Variants in MLEC observed in about 807,000 individuals in gnomAD.
The protein encoded by MLEC is malectin.
A neutral mutation model predicts 28.7 loss-of-function variants in MLEC; 7 were observed. The observed-to-expected ratio is 0.24, with a 90% CI of 0.14 to 0.46. MLEC has a LOEUF of 0.46. Ranked by LOEUF, MLEC falls within the 20% of genes least tolerant of loss-of-function variation. The probability of loss-of-function intolerance (pLI) is 0.99; values close to 1 mark genes in which losing one functional copy is unlikely to be tolerated. For synonymous variants in MLEC, 142 were observed against 164.4 expected, an observed-to-expected ratio of 0.86 and a Z score of 1.04; for missense variants, 237 against 391.1, an observed-to-expected ratio of 0.61 and a Z score of 3.32.
At chr12:120,691,104 A>G (rs1592915925) in intron 1 of MLEC, among the ~76,000 whole-genome samples, 1 of 152,250 alleles carries the variant, frequency 6.6e-6, no homozygotes, top group Admixed American at 6.5e-5. Flanking sequence ...CATGGAGGAC[A>G]GGCTTCTGCT....
At position 120,696,604 on chromosome 12, in the gene MLEC, G is replaced by A. The variant is rs1882248471; in HGVS notation, c.*59G>A. 1 of 1,580,268 alleles carries A rather than the reference G, an allele frequency of 6.3e-7. No homozygotes were observed. The highest frequency in any genetic ancestry group is 2.2e-5 in the East Asian group (1 of 44,498). On this transcript the variant is annotated 3_prime_UTR_variant, in exon 5 of 5. Coordinates refer to ENST00000228506, the MANE Select transcript of MLEC (RefSeq NM_014730.4). This position sits in a 1 kb window ranked among gnomAD's most constrained non-coding sequence, Gnocchi z 5.4. ...TGTGGGAAAGAAACCAGCCATATTG[G>A]TTTTGGTTTCTGTATTTTTCACAAT...
rs942840570 is a variant in MLEC at position 120,700,552 on chromosome 12, C to G, written c.*4007C>G. On this transcript the variant is annotated 3_prime_UTR_variant, in exon 5 of 5. Coordinates refer to ENST00000228506, the MANE Select transcript of MLEC (RefSeq NM_014730.4). The surrounding 1 kb of genome is among the most constrained non-coding windows in gnomAD (Gnocchi z 4.0). Reference sequence around the variant, plus strand: ...AAGGCAAAGTGATAGTACACGGAAGCAGAACCGGAAACACCCAGGAACTGT... The same window carrying G: ...AAGGCAAAGTGATAGTACACGGAAGGAGAACCGGAAACACCCAGGAACTGT... The G allele has an allele frequency of 1.3e-5, 2 of 152,028 alleles. No homozygotes were observed. The highest frequency in any genetic ancestry group is 4.8e-5 in the African/African-American group (2 of 41,362). The allele number at this position is 152,028 out of a possible 1,614,324, so 9.4% of individuals were successfully genotyped here. A position where few individuals can be genotyped will look rare whatever the true frequency, so the allele number is the denominator to read the frequency against.
At position 120,697,307 on chromosome 12, in the gene MLEC, T is replaced by TTTTG. The variant is rs3884201; in HGVS notation, c.*778_*781dup. 0.041 allele frequency: 6,280 copies of TTTTG among 152,686 alleles called. 180 individuals are homozygous for TTTTG. The highest frequency in any genetic ancestry group is 0.1 in the South Asian group (503 of 4,816). The allele number at this position is 152,686 out of a possible 1,614,324, so 9.5% of individuals were successfully genotyped here. A position where few individuals can be genotyped will look rare whatever the true frequency, so the allele number is the denominator to read the frequency against. ...TGTTGGGGACTTGATTTCTTCTCAG[T>TTTTG]TTTGTTTGTTTGTTTGTTTCCTTAA... On this transcript the variant is annotated 3_prime_UTR_variant, in exon 5 of 5. Transcript: ENST00000228506. The surrounding 1 kb of genome is among the most constrained non-coding windows in gnomAD (Gnocchi z 4.8).
At chr12:120,690,615 G>A (rs1040700065) in intron 1 of MLEC, among the ~76,000 whole-genome samples, 4 of 151,978 alleles carry the variant, frequency 2.6e-5, no homozygotes, top group African/African-American at 9.7e-5. Flanking sequence ...CCTTTTACAT[G>A]GAATTAAAAA....
At chr12:120,688,715 G>A (rs981122766) in intron 1 of MLEC, among the ~76,000 whole-genome samples, 1 of 148,106 alleles carries the variant, frequency 6.8e-6, no homozygotes, top group African/African-American at 2.7e-5. Flanking sequence ...CAGTGTCCTG[G>A]AGTTTGTTAT....
In MLEC at chr12:120,701,817, A is replaced by C. The variant is rs941290819; in HGVS notation, c.*5272A>C. On this transcript the variant is annotated 3_prime_UTR_variant, in exon 5 of 5. Coordinates refer to ENST00000228506, the MANE Select transcript of MLEC (RefSeq NM_014730.4). The surrounding 1 kb of genome is among the most constrained non-coding windows in gnomAD (Gnocchi z 4.0). ...AAAGTACAAAATCAGGATGTTTTTC[A>C]CTGTCCATTGCTTTGTGTTTTAATA... 6.6e-6 allele frequency: 1 copy of C among 152,602 alleles called. No individual in the cohort carries two copies. The highest frequency in any genetic ancestry group is 2.1e-4 in the South Asian group (1 of 4,820). The allele number at this position is 152,602 out of a possible 1,614,324, so 9.5% of individuals were successfully genotyped here.
intron 1 of MLEC, among the ~76,000 whole-genome samples, chr12:120,689,136 C>T (rs900485516): frequency 6.6e-6 from 1 of 152,100 alleles, no homozygotes; most frequent in Non-Finnish European, 1.5e-5. Flanking sequence ...CCGAGTAAGA[C>T]CACACAGGTT....
chr12:120,692,411 C>T (rs1262122275), intron 1 of MLEC, among the ~76,000 whole-genome samples: 1 of 152,060 alleles, frequency 6.6e-6, no homozygotes, highest in Non-Finnish European at 1.5e-5. Context: ...CCTTTGTATG[C>T]ATTGCTCAGC....
chr12:120,688,939 C>G (rs981537808), intron 1 of MLEC, among the ~76,000 whole-genome samples: 1 of 152,194 alleles, frequency 6.6e-6, no homozygotes, highest in Non-Finnish European at 1.5e-5. Flanking sequence ...TATCCTGGAC[C>G]CTTCCTCTTT....
chr12:120,691,498 G>T (rs1882036281), intron 1 of MLEC, among the ~76,000 whole-genome samples: 1 of 152,256 alleles, frequency 6.6e-6, no homozygotes, highest in South Asian at 2.1e-4. Flanking sequence ...AGAAAGAGCA[G>T]ACATAATGTA....
At chr12:120,695,775 A>T (rs1417414783) in intron 4 of MLEC, among the ~76,000 whole-genome samples, 1 of 152,132 alleles carries the variant, frequency 6.6e-6, no homozygotes, top group Admixed American at 6.5e-5. Context: ...TCTTGAATGC[A>T]CTGAGGATTT....
In MLEC at chr12:120,694,749, G is replaced by T. The variant is rs1002226760; in HGVS notation, c.415-75G>T. On this transcript the variant is annotated intron_variant, in intron 2 of 4. Transcript: ENST00000228506. The surrounding 1 kb of genome is among the most constrained non-coding windows in gnomAD (Gnocchi z 4.5). ...ATTTTTGAACTTCAAGCCCAAACAC[G>T]TGCATGATGTCCAACTGCTTGAAAG... 6 of 1,386,042 alleles carry T rather than the reference G, an allele frequency of 4.3e-6. No individual in the cohort carries two copies. Among genetic ancestry groups the T allele is most frequent in the Admixed American group, 4.2e-5 (2 of 47,450 alleles). 85.9% of individuals were successfully genotyped at this position (1,386,042 alleles called of 1,614,324 possible). A position where few individuals can be genotyped will look rare whatever the true frequency, so the allele number is the denominator to read the frequency against.
intron 1 of MLEC, among the ~76,000 whole-genome samples, chr12:120,691,929 G>C (rs1157692873): frequency 6.6e-6 from 1 of 152,142 alleles, no homozygotes; most frequent in Non-Finnish European, 1.5e-5. Flanking sequence ...GGAGGCCGAT[G>C]CGGGCAGATC....
chr12:120,693,256 A>T (rs1297314054), intron 1 of MLEC, among the ~76,000 whole-genome samples: 1 of 152,250 alleles, frequency 6.6e-6, no homozygotes, highest in African/African-American at 2.4e-5. Context: ...AGCCTTGTGG[A>T]CAGAGTGGCA....
chr12:120,692,949 G>C (rs777822363), intron 1 of MLEC, among the ~76,000 whole-genome samples: 1 of 152,048 alleles, frequency 6.6e-6, no homozygotes, highest in African/African-American at 2.4e-5. Context: ...GGCCTGGCGC[G>C]GTGGCTCACG....
chr12:120,690,117 C>T (rs1881982258), intron 1 of MLEC, among the ~76,000 whole-genome samples: 1 of 152,070 alleles, frequency 6.6e-6, no homozygotes, highest in Non-Finnish European at 1.5e-5. Flanking sequence ...GAAGCGTTCA[C>T]CTTGGGGTTT....
chr12:120,698,167 G>C lies in MLEC; in HGVS notation c.*1622G>C, dbSNP rs1253730088. The C allele has an allele frequency of 6.6e-6, 1 of 152,110 alleles. No individual in the cohort carries two copies. The highest frequency in any genetic ancestry group is 1.9e-4 in the East Asian group (1 of 5,196). 9.4% of individuals were successfully genotyped at this position (152,110 alleles called of 1,614,324 possible). Reference sequence around the variant, plus strand: ...TGGAGCAGTCAATATAGGATCTCAGGCCAGGCCCGCTTTTCTAGAATGTGT... The same window carrying C: ...TGGAGCAGTCAATATAGGATCTCAGCCCAGGCCCGCTTTTCTAGAATGTGT... On this transcript the variant is annotated 3_prime_UTR_variant, in exon 5 of 5. Coordinates refer to ENST00000228506, the MANE Select transcript of MLEC (RefSeq NM_014730.4).
At chr12:120,691,239 G>C (rs763596210) in intron 1 of MLEC, among the ~76,000 whole-genome samples, 5 of 152,176 alleles carry the variant, frequency 3.3e-5, no homozygotes, top group Non-Finnish European at 5.9e-5. Context: ...TGCTTATCGT[G>C]TGCATATCCT....
Position 120,687,528 on chromosome 12 carries a change from C to G in MLEC, c.232C>G (p.Arg78Gly). Residue 78 changes from arginine (R) to glycine (G), a missense_variant, in exon 1 of 5, where the codon CGA (arginine) becomes GGA (glycine). Arg to Gly is a moderately radical substitution (Grantham distance 125). Coordinates refer to ENST00000228506, the MANE Select transcript of MLEC (RefSeq NM_014730.4). This position sits in a 1 kb window ranked among gnomAD's most constrained non-coding sequence, Gnocchi z 8.1. ...GGACCCTTTGGAAGGCCGGGTGGGC[C>G]GAGGTGAGAGTCCCCCTGCCGAGCC... ...RKDPLEGRVG[R>G]ASDYGMKLPI... is the part of the protein sequence containing the mutation. The G allele has an allele frequency of 6.7e-7, 1 of 1,491,606 alleles. No homozygotes were observed. 92.4% of individuals were successfully genotyped at this position (1,491,606 alleles called of 1,614,324 possible). A position where few individuals can be genotyped will look rare whatever the true frequency, so the allele number is the denominator to read the frequency against.
Sources: allele counts gnomAD v4.1 joint callset (sites outside exome capture counted in the v4.1 genomes callset), GRCh38; gene constraint gnomAD v4.1.1; non-coding constraint Gnocchi (gnomAD v3.1); transcripts MANE v1.5; gene names NCBI Gene and HGNC (gene_info 2026-07-23, HGNC 2026-07-21).